Variants in GFI1B observed in about 807,000 individuals in gnomAD.
GFI1B encodes the protein growth factor independent 1B transcriptional repressor.
A neutral mutation model predicts 35.3 loss-of-function variants in GFI1B; 20 were observed. The observed-to-expected ratio is 0.57, with a 90% CI of 0.40 to 0.82. The LOEUF is 0.82. GFI1B is among the 40% of genes least tolerant of loss of function. GFI1B has a pLI of 0.00. For missense variants in GFI1B, 430 were observed against 446.3 expected (o/e 0.96, Z 0.33); for synonymous variants, 178 against 177.6 (o/e 1.00, Z -0.02).
intron 1 of GFI1B, among the ~76,000 whole-genome samples, chr9:132,968,086 T>TTTTATTTA (rs34989096): frequency 0.021 from 2,880 of 137,850 alleles, 45 homozygotes; most frequent in African/African-American, 0.028. Context: ...CCAGCCATTC[T>TTTTATTTA]TTTATTTATT....
chr9:132,959,495 G>A (rs1848333599), intron 1 of GFI1B, among the ~76,000 whole-genome samples: 1 of 152,232 alleles, frequency 6.6e-6, no homozygotes, highest in Non-Finnish European at 1.5e-5. Context: ...TCCAGTGAGA[G>A]ACACGTGTGA....
At chr9:132,948,723 G>GAA (rs1848157255) in intron 1 of GFI1B, among the ~76,000 whole-genome samples, 1 of 152,204 alleles carries the variant, frequency 6.6e-6, no homozygotes, top group African/African-American at 2.4e-5. Flanking sequence ...GTTTCCCCTT[G>GAA]CTTTCTAGCA....
chr9:132,992,832 A>G (rs547317380), downstream of GFI1B, among the ~76,000 whole-genome samples: 1 of 152,076 alleles, frequency 6.6e-6, no homozygotes, highest in African/African-American at 2.4e-5. Context: ...TCCCACACCA[A>G]TCCTGTGCCT....
At chr9:132,985,154 C>T (rs1050507121) in intron 1 of GFI1B, among the ~76,000 whole-genome samples, 6 of 152,182 alleles carry the variant, frequency 3.9e-5, no homozygotes, top group South Asian at 4.1e-4. Context: ...GGATAGAGGA[C>T]CACCAGAAGA....
chr9:132,987,155 G>A lies in GFI1B; in HGVS notation c.101-127G>A. ...TGGGCAGAGCCCGGGAGTGTGAGCCGCCAGAAGCAGCGGCACGTGGCTGTC... is the reference window on the plus strand; with the variant it reads ...TGGGCAGAGCCCGGGAGTGTGAGCCACCAGAAGCAGCGGCACGTGGCTGTC... On this transcript the variant is annotated intron_variant, in intron 2 of 6. Transcript: ENST00000372122. 4.7e-6 allele frequency: 5 copies of A among 1,073,392 alleles called. No homozygotes were observed. The South Asian group carries it at 5.4e-5, about 12-fold the overall frequency. 66.5% of individuals were successfully genotyped at this position (1,073,392 alleles called of 1,614,324 possible). A position where few individuals can be genotyped will look rare whatever the true frequency, so the allele number is the denominator to read the frequency against.
intron 4 of GFI1B, among the ~76,000 whole-genome samples, chr9:132,988,804 G>T (rs1454723387): frequency 2.2e-4 from 34 of 152,196 alleles, no homozygotes; most frequent in Admixed American, 2.2e-3. Flanking sequence ...GGGCTATTCA[G>T]CCTCTAGATG....
intron 1 of GFI1B, among the ~76,000 whole-genome samples, chr9:132,965,867 A>C (rs1588415045): frequency 1.3e-5 from 2 of 152,278 alleles, no homozygotes; most frequent in Non-Finnish European, 2.9e-5. Flanking sequence ...TAGTGTCCAC[A>C]GGAGCCATAA....
chr9:132,982,748 G>A (rs1175684230), intron 1 of GFI1B, among the ~76,000 whole-genome samples: 2 of 152,050 alleles, frequency 1.3e-5, no homozygotes, highest in Admixed American at 6.6e-5. Context: ...GAAGTTCACC[G>A]GGTGCATTTG....
Position 132,987,208 on chromosome 9 carries a change from GC to G in GFI1B, c.101-73del, listed in dbSNP as rs113102927. ...TCTGGGCCTCCTCCTCCTAGGAAGG[GC>G]GTGCCCTCCTTGCTCCCTCTGGGCT... On this transcript the variant is annotated intron_variant, in intron 2 of 6. Transcript: ENST00000372122. 8.0e-6 allele frequency: 12 copies of G among 1,493,382 alleles called. No individual in the cohort carries two copies. In the African/African-American group the frequency reaches 9.6e-5, roughly 12 times the overall value. 92.5% of individuals were successfully genotyped at this position (1,493,382 alleles called of 1,614,324 possible).
At position 132,988,361 on chromosome 9, in the gene GFI1B, G is replaced by T. The variant is rs372949898; in HGVS notation, c.403G>T (p.Val135Phe). 1 of 1,613,914 alleles carries T rather than the reference G, an allele frequency of 6.2e-7. No homozygotes were observed. Among genetic ancestry groups the T allele is most frequent in the Non-Finnish European group, 8.5e-7 (1 of 1,180,002 alleles). The stretch of plus-strand genomic sequence containing the variant: ...GCAGTCAGCCTTCCTGGAGCACTCC[G>T]TCAGCCTGTACGGCAGTCCTCTTGT... ...TMQSAFLEHS[V>F]SLYGSPLVPS... The change falls in exon 4 of 7, where the codon GTC (valine) becomes TTC (phenylalanine). Residue 135 changes from valine to phenylalanine, a missense_variant. Physicochemically the swap from Val to Phe is conservative, Grantham distance 50 (BLOSUM62 -1). Coordinates refer to ENST00000372122, the MANE Select transcript of GFI1B (RefSeq NM_001377304.1).
At chr9:132,972,821 T>G (rs1450896118) in intron 2 of GFI1B, 1 of 151,846 alleles carries the variant, frequency 6.6e-6, no homozygotes, top group Non-Finnish European at 1.5e-5. Flanking sequence ...GGTCGTAGGG[T>G]GGGGAGTCGG....
At chr9:132,969,529 T>A (rs1220795494) in intron 1 of GFI1B, among the ~76,000 whole-genome samples, 1 of 152,198 alleles carries the variant, frequency 6.6e-6, no homozygotes, top group African/African-American at 2.4e-5. Flanking sequence ...ATGTATGCAT[T>A]CATCTGTCAC....
At chr9:132,947,412 CAAAAAAA>C (rs35035214) in intron 1 of GFI1B, among the ~76,000 whole-genome samples, 1 of 96,000 alleles carries the variant, frequency 1.0e-5, no homozygotes, top group Non-Finnish European at 2.0e-5. Context: ...TTTAATCGAG[CAAAAAAA>C]AAAAAAAAAA....
rs1439794611 is a variant in GFI1B at position 132,990,904 on chromosome 9, A to C, written c.847A>C (p.Lys283Gln). Reference sequence around the variant, plus strand: ...GCCGCACAAGTGCCAGGTGTGCGGAAAGGCCTTCAGCCAGAGCTCCAACCT... The same window carrying C: ...GCCGCACAAGTGCCAGGTGTGCGGACAGGCCTTCAGCCAGAGCTCCAACCT... ...EKPHKCQVCG[K>Q]AFSQSSNLIT... Residue 283 changes from lysine to glutamine, a missense_variant, in exon 7 of 7, where the codon AAG becomes CAG. Coordinates refer to ENST00000372122, the MANE Select transcript of GFI1B (RefSeq NM_001377304.1). 6.2e-7 allele frequency: 1 copy of C among 1,614,230 alleles called. No individual in the cohort carries two copies. The highest frequency in any genetic ancestry group is 2.2e-5 in the East Asian group (1 of 44,890).
intron 2 of GFI1B, among the ~76,000 whole-genome samples, chr9:132,973,388 C>A (rs747196044): frequency 7.0e-4 from 107 of 152,364 alleles, no homozygotes; most frequent in Middle Eastern, 3.4e-3. Flanking sequence ...TGTATTCAGC[C>A]CTGATATGGT....
At chr9:132,946,453 C>G (rs1848102573) in intron 1 of GFI1B, 1 of 152,198 alleles carries the variant, frequency 6.6e-6, no homozygotes, top group Admixed American at 6.5e-5. Context: ...TCCATCACTT[C>G]CAGAAACGGG....
At chr9:132,956,759 C>A (rs1848289599) in intron 1 of GFI1B, among the ~76,000 whole-genome samples, 1 of 152,200 alleles carries the variant, frequency 6.6e-6, no homozygotes, top group South Asian at 2.1e-4. Flanking sequence ...TATTATCTCA[C>A]AGTTTCTGTG....
intron 1 of GFI1B, among the ~76,000 whole-genome samples, chr9:132,956,030 C>T (rs531420932): frequency 1.3e-5 from 2 of 152,176 alleles, no homozygotes; most frequent in Non-Finnish European, 2.9e-5. Context: ...ATGAGGCCCA[C>T]CCACATAGTG....
chr9:132,975,442 T>C (rs1848611435), upstream of GFI1B, among the ~76,000 whole-genome samples: 1 of 152,156 alleles, frequency 6.6e-6, no homozygotes, highest in Non-Finnish European at 1.5e-5. Context: ...CCAACTAACT[T>C]AGCCTAGGCA....
Sources: allele counts gnomAD v4.1 joint callset (sites outside exome capture counted in the v4.1 genomes callset), GRCh38; gene constraint gnomAD v4.1.1; transcripts MANE v1.5; gene names NCBI Gene and HGNC (gene_info 2026-07-23, HGNC 2026-07-21).